PCGF3: variants seen among roughly 807,000 people sequenced by gnomAD.
The protein encoded by PCGF3 is polycomb group ring finger 3.
In PCGF3, 7 loss-of-function variants were observed where a neutral mutation model predicts 33.1. That is an observed-to-expected ratio of 0.21 (90% CI 0.12 to 0.40). The LOEUF (loss-of-function observed/expected upper bound fraction) is 0.40, where lower values mean the gene tolerates loss of function less well. Ranked by LOEUF, PCGF3 falls within the 10% of genes least tolerant of loss-of-function variation. The probability of loss-of-function intolerance (pLI) is 1.00; values close to 1 mark genes in which losing one functional copy is unlikely to be tolerated. For missense variants in PCGF3, 211 were observed against 313.3 expected, an observed-to-expected ratio of 0.67 and a Z score of 2.46; for synonymous variants, 153 against 121.3, an observed-to-expected ratio of 1.26 and a Z score of -1.72.
chr4:753,404 C>G (rs1234908020), intron 8 of PCGF3, among the ~76,000 whole-genome samples: 1 of 152,182 alleles, frequency 6.6e-6, no homozygotes, highest in Non-Finnish European at 1.5e-5. Flanking sequence ...CCCGTAATCC[C>G]AGCATATTGG....
chr4:764,902 G>C (rs1312415541), intron 9 of PCGF3, 82 bp from the exon 10 acceptor site: 1 of 927,022 alleles, frequency 1.1e-6, no homozygotes, highest in Non-Finnish European at 1.8e-6. Context: ...AGGGGCTGCA[G>C]ATTTCATACC....
intron 8 of PCGF3, among the ~76,000 whole-genome samples, chr4:753,887 C>T (rs187735628): frequency 2.5e-4 from 38 of 152,260 alleles, no homozygotes; most frequent in South Asian, 2.3e-3. Context: ...GAGCTGAGAT[C>T]GAGGCACTGC....
exon 3 of PCGF3, chr4:731,012 G>C: frequency 5.0e-6 from 2 of 398,596 alleles, no homozygotes; most frequent in Non-Finnish European, 8.9e-6. Context: ...GTGCAGAAGC[G>C]AGTCCGCGTG....
intron 4 of PCGF3, chr4:734,032 A>T (rs1221578367): frequency 6.4e-7 from 1 of 1,550,732 alleles, no homozygotes; most frequent in East Asian, 2.4e-5. Flanking sequence ...GAGAGACCCC[A>T]CATTCCTCCC....
intron 4 of PCGF3, 188 bp from the exon 5 acceptor site, chr4:734,743 C>T (rs559692037): frequency 2.7e-5 from 37 of 1,376,576 alleles, no homozygotes; most frequent in Non-Finnish European, 3.2e-5. Context: ...GCAATTAAAA[C>T]CTTCTCATTG....
At chr4:742,715 T>C (rs1236269409) in intron 6 of PCGF3, among the ~76,000 whole-genome samples, 1 of 152,218 alleles carries the variant, frequency 6.6e-6, no homozygotes, top group Non-Finnish European at 1.5e-5. Flanking sequence ...GGTGACCCAA[T>C]GGCAGGTGTG....
intron 10 of PCGF3, 40 bp from the exon 11 acceptor site, chr4:765,992 C>T: frequency 6.2e-7 from 1 of 1,601,902 alleles, no homozygotes; most frequent in Middle Eastern, 1.7e-4. Flanking sequence ...CTCGCCTCCA[C>T]CCCTGCTAAG....
chr4:761,220 C>T (rs902237117), intron 8 of PCGF3, 59 bp from the exon 9 acceptor site: 9 of 1,465,312 alleles, frequency 6.1e-6, no homozygotes, highest in African/African-American at 2.9e-5. Flanking sequence ...CTAAGGAAGC[C>T]TCCAGAACCG....
At chr4:718,780 C>T (rs1344288474) in intron 1 of PCGF3, among the ~76,000 whole-genome samples, 2 of 152,230 alleles carry the variant, frequency 1.3e-5, no homozygotes, top group Non-Finnish European at 2.9e-5. Flanking sequence ...AGCTTTGTGG[C>T]CACGGTAGGG....
chr4:757,016 CTGAGGTTAGTAT>C (rs1744798833), intron 8 of PCGF3: 4 of 152,168 alleles, frequency 2.6e-5, no homozygotes, highest in African/African-American at 9.7e-5. Flanking sequence ...TCGTTCAGTC[CTGAGGTTAGTAT>C]TATTGAAAAG....
chr4:722,069 C>T (rs751040027), intron 1 of PCGF3, among the ~76,000 whole-genome samples: 15 of 152,120 alleles, frequency 9.9e-5, no homozygotes, highest in Non-Finnish European at 1.8e-4. Context: ...GTGCAGGACA[C>T]ACGGGGCGTG....
At chr4:761,106 C>A (rs549907792) in intron 8 of PCGF3, among the ~76,000 whole-genome samples, 173 bp from the exon 9 acceptor site, 1 of 152,218 alleles carries the variant, frequency 6.6e-6, no homozygotes, top group Non-Finnish European at 1.5e-5. Flanking sequence ...AACAGGTTTT[C>A]AGATAAGGTA....
chr4:758,193 G>T (rs1237382838), intron 8 of PCGF3, among the ~76,000 whole-genome samples: 8 of 110,898 alleles, frequency 7.2e-5, no homozygotes, highest in Non-Finnish European at 1.4e-4. Flanking sequence ...AAAAAAAAAA[G>T]TCCAAAGTCA....
At chr4:717,431 G>A (rs909029782) in intron 1 of PCGF3, among the ~76,000 whole-genome samples, 9 of 152,172 alleles carry the variant, frequency 5.9e-5, no homozygotes, top group Admixed American at 2.0e-4. Context: ...TCAGACTGGA[G>A]TGCAGTGGCA....
At chr4:742,234 C>T (rs915785027) in intron 6 of PCGF3, among the ~76,000 whole-genome samples, 6 of 151,438 alleles carry the variant, frequency 4.0e-5, no homozygotes, top group Non-Finnish European at 8.8e-5. Context: ...CCCAGGCTCT[C>T]GGGGTCCCCT....
At chr4:723,169 C>A (rs554073938) in intron 1 of PCGF3, among the ~76,000 whole-genome samples, 1 of 152,114 alleles carries the variant, frequency 6.6e-6, no homozygotes, top group African/African-American at 2.4e-5. Context: ...GGTCCACACT[C>A]GGTCATCGCC....
intron 8 of PCGF3, among the ~76,000 whole-genome samples, chr4:752,174 T>A (rs1442782463): frequency 6.6e-6 from 1 of 152,240 alleles, no homozygotes; most frequent in Non-Finnish European, 1.5e-5. Flanking sequence ...GTTTGGAAAC[T>A]GGCGAAGCCG....
exon 1 of PCGF3, chr4:705,924 C>T (rs1742273083): frequency 2.6e-5 from 4 of 152,216 alleles, no homozygotes; most frequent in Admixed American, 2.6e-4. Context: ...CCCCCTCCGG[C>T]GCGGACCCCG....
At chr4:716,078 A>C (rs1185571224) in intron 1 of PCGF3, among the ~76,000 whole-genome samples, 3 of 142,114 alleles carry the variant, frequency 2.1e-5, no homozygotes, top group Non-Finnish European at 3.1e-5. Context: ...TGAGTGTGAG[A>C]ACCGGGCATC....
Sources: gnomAD v4.1 joint callset for allele counts (sites outside exome capture counted in the v4.1 genomes callset) on GRCh38, gnomAD v4.1.1 for gene constraint, MANE v1.5 for transcripts, NCBI Gene and HGNC (gene_info 2026-07-23, HGNC 2026-07-21) for gene names.